Variants in EDEM1 observed in about 807,000 individuals in gnomAD.
EDEM1 encodes the protein ER degradation enhancing alpha-mannosidase like protein 1.
Under a neutral mutation model 74.4 loss-of-function variants are expected in EDEM1, and 67 were observed. That is an observed-to-expected ratio of 0.90 (90% CI 0.74 to 1.10). The LOEUF (loss-of-function observed/expected upper bound fraction) is 1.10, where lower values mean the gene tolerates loss of function less well. Among genes scored for constraint, EDEM1 ranks in the 50% least tolerant of loss-of-function variants. The pLI is 0.00. For synonymous variants in EDEM1, 382 were observed against 335.9 expected (o/e 1.14, Z -1.50); for missense variants, 926 against 851.6 (o/e 1.09, Z -1.09).
intron 2 of EDEM1, among the ~76,000 whole-genome samples, chr3:5,197,822 T>G (rs1208802307): frequency 6.6e-6 from 1 of 152,240 alleles, no homozygotes; most frequent in Non-Finnish European, 1.5e-5. Context: ...GCTAGAAATG[T>G]CTGTACTTAC....
Position 5,213,311 on chromosome 3 carries a change from C to T in EDEM1, c.1681-8C>T, listed in dbSNP as rs2055189726. The T allele has an allele frequency of 9.3e-6, 15 of 1,609,998 alleles. No homozygotes were observed. The highest frequency in any genetic ancestry group is 1.2e-5 in the Non-Finnish European group (14 of 1,177,864). On this transcript the variant is annotated splice_region_variant and splice_polypyrimidine_tract_variant and intron_variant, in intron 10 of 11. Coordinates refer to ENST00000256497, the MANE Select transcript of EDEM1 (RefSeq NM_014674.3). ...TATTGGTTGTATCTTTTTCTCCGTT[C>T]CCTCTAGCTGTTTGATGAAGACAAT... is the stretch of plus-strand genomic sequence containing the variant.
In EDEM1 at chr3:5,202,948, G is replaced by A. The variant is rs759177822; in HGVS notation, c.859-18G>A. ...TTCCTTGAGTTTTGTCACAGTCTTT[G>A]TCTGTTCCCATCCCCAGGTGAATCT... On this transcript the variant is annotated intron_variant, in intron 4 of 11. Transcript: ENST00000256497. The A allele has an allele frequency of 7.4e-6, 12 of 1,611,062 alleles. No homozygotes were observed. The highest frequency in any genetic ancestry group is 1.3e-5 in the African/African-American group (1 of 74,802).
At chr3:5,193,106 A>C (rs879420139) in intron 1 of EDEM1, among the ~76,000 whole-genome samples, 1 of 152,172 alleles carries the variant, frequency 6.6e-6, no homozygotes, top group Non-Finnish European at 1.5e-5. Flanking sequence ...GGATAGAATG[A>C]CACATGCCGC....
intron 8 of EDEM1, 127 bp downstream of exon 8, chr3:5,208,390 C>T (rs2055125707): frequency 8.9e-7 from 1 of 1,123,162 alleles, no homozygotes; most frequent in African/African-American, 1.6e-5. Context: ...ATTGAGTTAC[C>T]CCCTATCCGT....
intron 1 of EDEM1, among the ~76,000 whole-genome samples, chr3:5,192,758 C>T (rs903985866): frequency 6.6e-6 from 1 of 152,038 alleles, no homozygotes; most frequent in Non-Finnish European, 1.5e-5. Context: ...TTCCTTCATC[C>T]TCACTCCCAC....
In EDEM1 at chr3:5,188,208, C is replaced by T; in HGVS notation, c.403C>T (p.Arg135Trp). 2.5e-6 allele frequency: 4 copies of T among 1,582,878 alleles called. No homozygotes were observed. Among genetic ancestry groups the T allele is most frequent in the South Asian group, 2.3e-5 (2 of 86,578 alleles). Residue 135 changes from arginine to tryptophan, a missense_variant, in exon 1 of 12, where the codon CGG becomes TGG. Arg to Trp is a moderately radical substitution (Grantham distance 101). Coordinates refer to ENST00000256497, the MANE Select transcript of EDEM1 (RefSeq NM_014674.3). ...GCGTGCCCAGATGCGCGACCTGGCA[C>T]GGGGCATGTTCGTCTTTGGCTACGA... ...QLRAQMRDLA[R>W]GMFVFGYDNY...
Position 5,198,204 on chromosome 3 carries a change from C to T in EDEM1, c.583-1388C>T, listed in dbSNP as rs186772852. 1.4e-3 allele frequency among the ~76,000 whole-genome samples: 211 copies of T among 152,174 alleles called. 1 individual carries two copies. The highest frequency in any genetic ancestry group is 4.9e-3 in the African/African-American group (204 of 41,518). On this transcript the variant is annotated intron_variant, in intron 2 of 11. Coordinates refer to ENST00000256497, the MANE Select transcript of EDEM1 (RefSeq NM_014674.3). ...CTGGGATTACAGGCATGCGCCACCA[C>T]GCCTGGCTAATTTTTTGTATTTTTA...
chr3:5,215,003 G>T (rs902409810), intron 11 of EDEM1, among the ~76,000 whole-genome samples: 8 of 152,306 alleles, frequency 5.3e-5, no homozygotes, highest in Admixed American at 1.3e-4. Flanking sequence ...ATCCTTGAAG[G>T]ATGAAAAGGG....
chr3:5,190,148 A>T (rs1481806494), intron 1 of EDEM1, among the ~76,000 whole-genome samples: 1 of 152,208 alleles, frequency 6.6e-6, no homozygotes. Flanking sequence ...TATTTTTGCC[A>T]CTAGTTCCTA....
At chr3:5,211,267 A>G (rs2055163846) in intron 10 of EDEM1, 51 bp downstream of exon 10, 2 of 1,545,506 alleles carry the variant, frequency 1.3e-6, no homozygotes, top group Non-Finnish European at 1.8e-6. Context: ...GCTTAGAGCA[A>G]GCATTCGCAT....
At chr3:5,210,117 T>G in intron 8 of EDEM1, 58 bp from the exon 9 acceptor site, 1 of 1,491,338 alleles carries the variant, frequency 6.7e-7, no homozygotes, top group Non-Finnish European at 9.4e-7. Context: ...CCATGATGTT[T>G]GTCGATGGCA....
intron 11 of EDEM1, among the ~76,000 whole-genome samples, chr3:5,214,353 C>T (rs993501017): frequency 1.1e-4 from 16 of 152,218 alleles, no homozygotes; most frequent in Non-Finnish European, 2.9e-5. Flanking sequence ...GGTGCCCTCT[C>T]ATCGCCGACT....
chr3:5,210,506 G>A (rs949522138), intron 9 of EDEM1, among the ~76,000 whole-genome samples: 2 of 152,026 alleles, frequency 1.3e-5, no homozygotes, highest in South Asian at 2.1e-4. Flanking sequence ...TAACATATAC[G>A]CTAAAATGTT....
intron 9 of EDEM1, among the ~76,000 whole-genome samples, chr3:5,210,617 T>C (rs2055156269): frequency 6.6e-6 from 1 of 152,140 alleles, no homozygotes; most frequent in African/African-American, 2.4e-5. Context: ...CTTATAATCT[T>C]TTAAATATTT....
At chr3:5,215,250 T>C (rs2055218438) in intron 11 of EDEM1, among the ~76,000 whole-genome samples, 1 of 149,084 alleles carries the variant, frequency 6.7e-6, no homozygotes, top group Non-Finnish European at 1.5e-5. Flanking sequence ...CACAGTTGGT[T>C]AGTTCTCAAG....
At chr3:5,213,178 C>A in intron 10 of EDEM1, 141 bp from the exon 11 acceptor site, 1 of 817,870 alleles carries the variant, frequency 1.2e-6, no homozygotes, top group Non-Finnish European at 1.9e-6. Flanking sequence ...AGTTGTCAGT[C>A]AATTCCTTTT....
intron 2 of EDEM1, among the ~76,000 whole-genome samples, chr3:5,197,908 G>T (rs945421825): frequency 2.9e-4 from 44 of 152,280 alleles, no homozygotes; most frequent in Middle Eastern, 3.4e-3. Flanking sequence ...ACATTGTAGG[G>T]AGACATGAGA....
intron 1 of EDEM1, among the ~76,000 whole-genome samples, chr3:5,193,619 CAG>C (rs2054927061): frequency 6.6e-6 from 1 of 150,492 alleles, no homozygotes; most frequent in African/African-American, 2.4e-5. Flanking sequence ...TTTTTTGAGA[CAG>C]AGTTTCGCTC....
intron 4 of EDEM1, among the ~76,000 whole-genome samples, chr3:5,202,137 A>G (rs2055041999): frequency 6.6e-6 from 1 of 152,250 alleles, no homozygotes; most frequent in Admixed American, 6.5e-5. Flanking sequence ...GCAAACAGTG[A>G]TATATCTGAC....
Sources: allele counts gnomAD v4.1 joint callset (sites outside exome capture counted in the v4.1 genomes callset), GRCh38; gene constraint gnomAD v4.1.1; transcripts MANE v1.5; gene names NCBI Gene and HGNC (gene_info 2026-07-23, HGNC 2026-07-21).